The following PTPRN2 variants were observed in gnomAD, a reference collection of about 807,000 sequenced individuals.
PTPRN2 encodes receptor-type tyrosine-protein phosphatase N2.
Under a neutral mutation model 118.8 loss-of-function variants are expected in PTPRN2, and 74 were observed. That is an observed-to-expected ratio of 0.62 (90% confidence interval 0.52 to 0.76). The LOEUF (loss-of-function observed/expected upper bound fraction) is 0.76. PTPRN2 is among the 30% of genes least tolerant of loss of function. The pLI, the probability that PTPRN2 is intolerant of heterozygous loss-of-function variation, is 0.00. For synonymous variants in PTPRN2, 641 were observed against 608.0 expected, an observed-to-expected ratio of 1.05 and a Z score of -0.80; for missense variants, 1,481 against 1,394.4, an observed-to-expected ratio of 1.06 and a Z score of -0.99.
Position 158,525,088 on chromosome 7 carries a change from A to G in PTPRN2, c.113-35303T>C, listed in dbSNP as rs907154631. On this transcript the variant is annotated intron_variant, in intron 1 of 22. Transcript: ENST00000389418. The surrounding 1 kb of genome is among the most constrained non-coding windows in gnomAD (Gnocchi z 4.1). The stretch of plus-strand genomic sequence containing the variant: ...GCTCAGGATGCAAGGCTCTGACTGA[A>G]CCCTCAAGCTGGCCCTCCATGCGAA... Among the ~76,000 whole-genome samples, 1 of 151,704 alleles carries G rather than the reference A, an allele frequency of 6.6e-6. No individual in the cohort carries two copies. Among genetic ancestry groups the G allele is most frequent in the South Asian group, 2.1e-4 (1 of 4,794 alleles).
intron 11 of PTPRN2, among the ~76,000 whole-genome samples, chr7:158,066,748 C>A (rs914655884): frequency 5.3e-5 from 8 of 151,776 alleles, no homozygotes; most frequent in African/African-American, 1.9e-4. Flanking sequence ...ATTAATAATG[C>A]CAAGCAGACG....
chr7:157,810,853 C>T (rs1288047381), intron 12 of PTPRN2, among the ~76,000 whole-genome samples: 1 of 152,068 alleles, frequency 6.6e-6, no homozygotes, highest in Non-Finnish European at 1.5e-5. Context: ...GTGCTCCTCA[C>T]CCCAGGGCTC....
intron 12 of PTPRN2, among the ~76,000 whole-genome samples, chr7:157,745,452 T>TTGGGGGAGAGGACAGGCTGC (rs1458433105): frequency 0.037 from 5,636 of 151,216 alleles, 172 homozygotes; most frequent in South Asian, 0.076. Flanking sequence ...GGACAGGCTG[T>TTGGGGGAGAGGACAGGCTGC]GGGAGGCAGG....
chr7:157,988,926 C>T (rs1054861357), intron 11 of PTPRN2, among the ~76,000 whole-genome samples: 2 of 152,212 alleles, frequency 1.3e-5, no homozygotes. Flanking sequence ...ATCAGGGACA[C>T]CCTCTGTGTC....
chr7:158,189,185 G>T (rs562216197), intron 5 of PTPRN2, among the ~76,000 whole-genome samples: 37 of 152,302 alleles, frequency 2.4e-4, no homozygotes, highest in Admixed American at 5.2e-4. Context: ...TGGATGTTGC[G>T]GCTGCTTGGC....
chr7:157,940,498 C>A (rs570044295), intron 11 of PTPRN2, among the ~76,000 whole-genome samples: 24 of 149,904 alleles, frequency 1.6e-4, no homozygotes, highest in African/African-American at 6.0e-4. Context: ...AAATCTAACA[C>A]CCTCCCCCTT....
chr7:158,519,043 G>A (rs1391360399), intron 1 of PTPRN2, among the ~76,000 whole-genome samples: 1 of 152,190 alleles, frequency 6.6e-6, no homozygotes, highest in Non-Finnish European at 1.5e-5. Flanking sequence ...TCATCCTGCA[G>A]CAGTTTGCAC....
At chr7:158,071,581 TCC>T (rs1811710140) in intron 11 of PTPRN2, among the ~76,000 whole-genome samples, 35 of 22,126 alleles carry the variant, frequency 1.6e-3, no homozygotes, top group South Asian at 2.7e-3. Flanking sequence ...GTGGAGGTGC[TCC>T]TGGTGGAGGT....
intron 2 of PTPRN2, among the ~76,000 whole-genome samples, chr7:158,323,251 A>G (rs1803187145): frequency 1.3e-5 from 2 of 152,170 alleles, no homozygotes; most frequent in Admixed American, 6.5e-5. Context: ...TCACACCCCC[A>G]GAGTTCTGGG....
intron 6 of PTPRN2, among the ~76,000 whole-genome samples, chr7:158,140,718 C>T (rs545784834): frequency 9.2e-5 from 14 of 152,326 alleles, no homozygotes; most frequent in East Asian, 3.9e-4. Flanking sequence ...GAGGGTGTGC[C>T]GTGCAGCGTG....
chr7:158,542,048 A>G (rs762347155), intron 1 of PTPRN2, among the ~76,000 whole-genome samples: 28 of 152,408 alleles, frequency 1.8e-4, no homozygotes, highest in Admixed American at 1.4e-3. Flanking sequence ...AGAAGAGACA[A>G]TGTGACTATC....
At chr7:157,677,041 C>G (rs143522164) in intron 13 of PTPRN2, among the ~76,000 whole-genome samples, 11 of 152,186 alleles carry the variant, frequency 7.2e-5, no homozygotes, top group African/African-American at 2.4e-4. Context: ...CAGCCCTCTT[C>G]CTTGGCTGCT....
At chr7:158,153,149 G>C (rs560754598) in intron 6 of PTPRN2, among the ~76,000 whole-genome samples, 1 of 152,212 alleles carries the variant, frequency 6.6e-6, no homozygotes, top group Admixed American at 6.5e-5. Flanking sequence ...TGTGGCCGGG[G>C]CAGTCTGAGG....
rs900052925 is a variant in PTPRN2 at position 157,629,875 on chromosome 7, T to G, written c.2197-8366A>C. 1.3e-5 allele frequency among the ~76,000 whole-genome samples: 2 copies of G among 152,380 alleles called. No homozygotes were observed. Among genetic ancestry groups the G allele is most frequent in the South Asian group, 4.1e-4 (2 of 4,828 alleles). On this transcript the variant is annotated intron_variant, in intron 14 of 22. Transcript: ENST00000389418. The surrounding 1 kb of genome is among the most constrained non-coding windows in gnomAD (Gnocchi z 4.4). ...TAGAATCCCTTTACATTTTCCTTCTTGTGACGAGACCACAGGTTTGTGTGT... is the reference window on the plus strand; with the variant it reads ...TAGAATCCCTTTACATTTTCCTTCTGGTGACGAGACCACAGGTTTGTGTGT...
chr7:157,885,046 T>C (rs530001167), intron 12 of PTPRN2, among the ~76,000 whole-genome samples: 1 of 152,258 alleles, frequency 6.6e-6, no homozygotes, highest in East Asian at 1.9e-4. Flanking sequence ...CGGTTTTTTG[T>C]TACAGGAGTC....
intron 2 of PTPRN2, among the ~76,000 whole-genome samples, chr7:158,337,104 C>T (rs1250941355): frequency 4.6e-5 from 7 of 151,852 alleles, no homozygotes; most frequent in Non-Finnish European, 8.8e-5. Flanking sequence ...CACACTCTCA[C>T]CATAAGAGCT....
intron 1 of PTPRN2, among the ~76,000 whole-genome samples, chr7:158,500,982 C>A (rs114112952): frequency 0.024 from 3,680 of 152,352 alleles, 144 homozygotes; most frequent in African/African-American, 0.084. Context: ...CTCCGGGCCA[C>A]GTCCGCTGGG....
chr7:158,221,156 T>A (rs1828336317), intron 3 of PTPRN2, among the ~76,000 whole-genome samples: 1 of 152,084 alleles, frequency 6.6e-6, no homozygotes, highest in Admixed American at 6.6e-5. Flanking sequence ...GGATAGCTGG[T>A]TAGCCGTATG....
chr7:157,557,058 C>T (rs183513148), intron 21 of PTPRN2, among the ~76,000 whole-genome samples: 11 of 151,904 alleles, frequency 7.2e-5, no homozygotes, highest in African/African-American at 2.7e-4. Flanking sequence ...GCACACCCCA[C>T]ACTCATGTAT....
Sources: allele counts gnomAD v4.1 joint callset (sites outside exome capture counted in the v4.1 genomes callset), GRCh38; gene constraint gnomAD v4.1.1; non-coding constraint Gnocchi (gnomAD v3.1); transcripts MANE v1.5; gene names NCBI Gene and HGNC (gene_info 2026-07-23, HGNC 2026-07-21).